WWOX: variants seen among roughly 807,000 people sequenced by gnomAD.
WWOX encodes the protein WW domain containing oxidoreductase, also known as WW domain-containing oxidoreductase.
In WWOX, 69 loss-of-function variants were observed where a neutral mutation model predicts 46.2. The ratio of observed to expected loss-of-function variants is 1.49; its 90% CI spans 1.23 to 1.82. The LOEUF is 1.82. WWOX is among the 40% of genes most tolerant of loss of function. WWOX has a pLI of 0.00. For missense variants in WWOX, 919 were observed against 542.6 expected (o/e 1.69, Z -6.89); for synonymous variants, 359 against 202.6 (o/e 1.77, Z -6.56).
intron 8 of WWOX, among the ~76,000 whole-genome samples, chr16:79,018,985 T>C (rs2047473274): frequency 6.6e-6 from 1 of 151,490 alleles, no homozygotes. Context: ...ACCCCATCTC[T>C]ACAAAAAATT....
At chr16:78,727,912 T>C (rs1045478771) in intron 8 of WWOX, among the ~76,000 whole-genome samples, 2 of 152,124 alleles carry the variant, frequency 1.3e-5, no homozygotes, top group African/African-American at 4.8e-5. Flanking sequence ...AGCATTTGTT[T>C]ATCTGGGTCA....
chr16:78,726,362 A>G (rs181814918), intron 8 of WWOX, among the ~76,000 whole-genome samples: 1 of 151,854 alleles, frequency 6.6e-6, no homozygotes, highest in East Asian at 1.9e-4. Flanking sequence ...GGTAGCTGGG[A>G]CCACAGGTAT....
chr16:78,808,953 C>G (rs1279522668), intron 8 of WWOX, among the ~76,000 whole-genome samples: 1 of 152,086 alleles, frequency 6.6e-6, no homozygotes, highest in Non-Finnish European at 1.5e-5. Context: ...ATGTCATGCG[C>G]TTGATCTAAA....
intron 8 of WWOX, among the ~76,000 whole-genome samples, chr16:78,972,234 A>T (rs1386460111): frequency 6.6e-6 from 1 of 152,128 alleles, no homozygotes; most frequent in Non-Finnish European, 1.5e-5. Flanking sequence ...CAAAGAGCCA[A>T]ATTTAAATTC....
intron 8 of WWOX, among the ~76,000 whole-genome samples, chr16:79,198,192 G>C (rs917861298): frequency 6.6e-6 from 1 of 151,890 alleles, no homozygotes; most frequent in South Asian, 2.1e-4. Context: ...ACAAAAATTA[G>C]CTGGGCATGG....
intron 8 of WWOX, among the ~76,000 whole-genome samples, chr16:78,776,579 G>T (rs555400021): frequency 6.6e-6 from 1 of 152,304 alleles, no homozygotes; most frequent in Non-Finnish European, 1.5e-5. Context: ...GGAATGAACA[G>T]ATTTGGAGTG....
At chr16:78,486,514 C>T (rs770497271) in intron 8 of WWOX, among the ~76,000 whole-genome samples, 7 of 151,886 alleles carry the variant, frequency 4.6e-5, no homozygotes, top group East Asian at 1.9e-4. Context: ...TTAAGCCAGT[C>T]GGACCTGGTT....
chr16:78,140,702 G>T (rs961707380), intron 4 of WWOX, among the ~76,000 whole-genome samples: 7 of 152,132 alleles, frequency 4.6e-5, no homozygotes, highest in African/African-American at 1.7e-4. Flanking sequence ...CAGTTTTACT[G>T]GGTGAGAGCC....
intron 8 of WWOX, among the ~76,000 whole-genome samples, chr16:78,717,841 T>C (rs968182235): frequency 1.3e-5 from 2 of 152,280 alleles, no homozygotes; most frequent in African/African-American, 2.4e-5. Flanking sequence ...TATTTCCCTC[T>C]CTGTCTTTCC....
chr16:78,619,983 A>G (rs945122050), intron 8 of WWOX, among the ~76,000 whole-genome samples: 25 of 152,194 alleles, frequency 1.6e-4, no homozygotes, highest in African/African-American at 5.1e-4. Context: ...TAGCATGTGC[A>G]CTACTCCTGA....
At chr16:79,183,109 T>C (rs377031014) in intron 8 of WWOX, among the ~76,000 whole-genome samples, 8 of 152,296 alleles carry the variant, frequency 5.3e-5, no homozygotes, top group Admixed American at 3.3e-4. Context: ...CTGGCCTTCA[T>C]GCAGGTGGAA....
chr16:78,294,004 A>C (rs984610230), intron 5 of WWOX, among the ~76,000 whole-genome samples: 10 of 150,802 alleles, frequency 6.6e-5, no homozygotes, highest in African/African-American at 2.2e-4. Context: ...AAAAAAAAAA[A>C]AAAAAAGGCT....
chr16:78,681,118 G>T (rs181144765), intron 8 of WWOX, among the ~76,000 whole-genome samples: 2 of 152,116 alleles, frequency 1.3e-5, no homozygotes, highest in African/African-American at 2.4e-5. Context: ...GCGTGGTGGC[G>T]CATGCCTGTA....
At chr16:78,940,330 A>G (rs907223305) in intron 8 of WWOX, among the ~76,000 whole-genome samples, 1 of 152,204 alleles carries the variant, frequency 6.6e-6, no homozygotes, top group Non-Finnish European at 1.5e-5. Flanking sequence ...TGCTCGCTAT[A>G]GAAGAAGAAA....
intron 8 of WWOX, among the ~76,000 whole-genome samples, chr16:79,165,052 C>T (rs2050564428): frequency 6.6e-6 from 1 of 151,738 alleles, no homozygotes; most frequent in African/African-American, 2.4e-5. Context: ...CTGGGAGGAC[C>T]ATAGTTGTTT....
chr16:78,574,345 A>G (rs2044794653), intron 8 of WWOX, among the ~76,000 whole-genome samples: 1 of 152,244 alleles, frequency 6.6e-6, no homozygotes, highest in Non-Finnish European at 1.5e-5. Context: ...GACACTGCAC[A>G]ATGGTGTGAA....
intron 5 of WWOX, among the ~76,000 whole-genome samples, chr16:78,235,703 C>T (rs2151812827): frequency 6.6e-6 from 1 of 150,772 alleles, no homozygotes; most frequent in South Asian, 2.1e-4. Context: ...CAAGGCTTTC[C>T]AGCCAGGCCA....
intron 8 of WWOX, among the ~76,000 whole-genome samples, chr16:78,589,709 A>G (rs1053987388): frequency 9.9e-5 from 15 of 152,212 alleles, no homozygotes; most frequent in Admixed American, 9.2e-4. Context: ...TTGTGAAGGT[A>G]AAACTGTAGC....
intron 8 of WWOX, among the ~76,000 whole-genome samples, chr16:78,473,593 T>C (rs1315964207): frequency 6.8e-6 from 1 of 146,114 alleles, no homozygotes; most frequent in Non-Finnish European, 1.5e-5. Flanking sequence ...TCAGGGGAGA[T>C]TGTTGTCCCT....
Sources: gnomAD v4.1 joint callset for allele counts (sites outside exome capture counted in the v4.1 genomes callset) on GRCh38, gnomAD v4.1.1 for gene constraint, MANE v1.5 for transcripts, NCBI Gene and HGNC (gene_info 2026-07-23, HGNC 2026-07-21) for gene names.